Variants in TMEM131 observed in about 807,000 individuals in gnomAD.
The protein encoded by TMEM131 is transmembrane protein 131.
A neutral mutation model predicts 211.6 loss-of-function variants in TMEM131; 66 were observed. That is an observed-to-expected ratio of 0.31 (90% CI 0.26 to 0.38). The LOEUF (loss-of-function observed/expected upper bound fraction) is 0.38, where lower values mean the gene tolerates loss of function less well. TMEM131 is among the 10% of genes least tolerant of loss of function. The pLI is 1.00. For synonymous variants in TMEM131, 844 were observed against 841.3 expected, an observed-to-expected ratio of 1.00 and a Z score of -0.06; for missense variants, 2,036 against 2,299.3, an observed-to-expected ratio of 0.89 and a Z score of 2.34.
intron 5 of TMEM131, among the ~76,000 whole-genome samples, chr2:97,844,907 A>T (rs1367106250): frequency 3.9e-5 from 6 of 152,120 alleles, no homozygotes; most frequent in Non-Finnish European, 8.8e-5. Context: ...TTTAATATGT[A>T]AAGCCATCAA....
rs991255021 is a variant in TMEM131, at chr2:97,983,651, C to A, written c.187+11825G>T. On this transcript the variant is annotated intron_variant, in intron 1 of 40. Transcript: ENST00000186436. ...CTCCTTGCTCTTTACCCAATAAATA[C>A]GAAAGGACTGTAGAAGCTCAAGGGG... 2.0e-5 allele frequency among the ~76,000 whole-genome samples: 3 copies of A among 152,292 alleles called. No homozygotes were observed. In the East Asian group the frequency reaches 5.8e-4, roughly 29 times the overall value.
At chr2:97,938,992 C>T (rs925163102) in intron 1 of TMEM131, among the ~76,000 whole-genome samples, 25 of 152,120 alleles carry the variant, frequency 1.6e-4, no homozygotes, top group African/African-American at 2.4e-5. Context: ...AGAACAAAGA[C>T]ACAACATACC....
At chr2:97,856,442 G>A (rs544311489) in intron 5 of TMEM131, among the ~76,000 whole-genome samples, 2 of 152,098 alleles carry the variant, frequency 1.3e-5, no homozygotes, top group Non-Finnish European at 2.9e-5. Flanking sequence ...TTACTTGCAT[G>A]TGCGTGTTAA....
intron 1 of TMEM131, among the ~76,000 whole-genome samples, chr2:97,944,418 C>T (rs1470385833): frequency 1.3e-5 from 2 of 152,096 alleles, no homozygotes; most frequent in Admixed American, 1.3e-4. Context: ...TCTGATGAGG[C>T]AATGGTTTCT....
At chr2:97,776,884 A>G (rs867777928) in intron 31 of TMEM131, among the ~76,000 whole-genome samples, 1 of 152,346 alleles carries the variant, frequency 6.6e-6, no homozygotes, top group Middle Eastern at 3.4e-3. Flanking sequence ...AAGACCACAC[A>G]GGGCTGTACT....
rs148843276 is a variant in TMEM131 at position 97,966,824 on chromosome 2, C to G, written c.187+28652G>C. 4.3e-4 allele frequency among the ~76,000 whole-genome samples: 66 copies of G among 152,314 alleles called. 1 individual carries two copies. The East Asian group carries it at 8.5e-3, about 20-fold the overall frequency. On this transcript the variant is annotated intron_variant, in intron 1 of 40. Transcript: ENST00000186436. ...AAGCTGACACATGAGGACTAGTTAA[C>G]TTGCTCAAGGTCACAGTCAAGCCCA...
chr2:97,938,145 A>G (rs543190497), intron 1 of TMEM131, among the ~76,000 whole-genome samples: 18 of 152,352 alleles, frequency 1.2e-4, no homozygotes, highest in Admixed American at 1.2e-3. Context: ...ACCAGCTAAC[A>G]TCATAATGAC....
At chr2:97,791,784 A>G (rs1680508578) in intron 31 of TMEM131, among the ~76,000 whole-genome samples, 1 of 152,190 alleles carries the variant, frequency 6.6e-6, no homozygotes, top group South Asian at 2.1e-4. Flanking sequence ...TAATACAGTA[A>G]GCAGAACTCT....
At chr2:97,811,039 TA>T in intron 18 of TMEM131, 88 bp downstream of exon 18, 1 of 942,938 alleles carries the variant, frequency 1.1e-6, no homozygotes, top group Non-Finnish European at 1.7e-6. Context: ...TAACTCTGAG[TA>T]AACTTAATTC....
At chr2:97,970,384 CAG>C (rs370865062) in intron 1 of TMEM131, among the ~76,000 whole-genome samples, 8 of 152,194 alleles carry the variant, frequency 5.3e-5, no homozygotes, top group Non-Finnish European at 1.2e-4. Flanking sequence ...AGAAACAGTA[CAG>C]AGAGAGGAGA....
intron 8 of TMEM131, among the ~76,000 whole-genome samples, chr2:97,836,068 T>C (rs1573437219): frequency 6.6e-6 from 1 of 152,252 alleles, no homozygotes; most frequent in South Asian, 2.1e-4. Context: ...GATTGTTTTA[T>C]AGATGATTTT....
At chr2:97,915,050 A>G (rs1314676349) in intron 2 of TMEM131, among the ~76,000 whole-genome samples, 4 of 152,082 alleles carry the variant, frequency 2.6e-5, no homozygotes, top group Non-Finnish European at 5.9e-5. Flanking sequence ...TGGTGTTGTC[A>G]CTGTTTTGTG....
chr2:97,796,024 C>A (rs760687161), intron 28 of TMEM131, among the ~76,000 whole-genome samples, 194 bp downstream of exon 28: 2 of 151,554 alleles, frequency 1.3e-5, no homozygotes, highest in African/African-American at 2.4e-5. Context: ...AATGCCTTAA[C>A]CAAAGATTAA....
rs192773257 is a variant in TMEM131 at position 97,873,260 on chromosome 2, T to C, written c.360-13833A>G. On this transcript the variant is annotated intron_variant, in intron 4 of 40. Coordinates refer to ENST00000186436, the MANE Select transcript of TMEM131 (RefSeq NM_015348.2). Reference sequence around the variant, plus strand: ...GGCAGCAGCCCCAGTCAGGGACTTATAGATAAATCCCCAGCTCCCTGGGAC... The same window carrying C: ...GGCAGCAGCCCCAGTCAGGGACTTACAGATAAATCCCCAGCTCCCTGGGAC... Among the ~76,000 whole-genome samples, 129 of 152,312 alleles carry C rather than the reference T, an allele frequency of 8.5e-4. 1 individual carries two copies. The highest frequency in any genetic ancestry group is 2.9e-3 in the African/African-American group (122 of 41,588).
chr2:97,829,707 G>GT (rs1233327364), intron 11 of TMEM131, among the ~76,000 whole-genome samples: 1 of 152,140 alleles, frequency 6.6e-6, no homozygotes, highest in Non-Finnish European at 1.5e-5. Context: ...TTTAAGAGCT[G>GT]TAACACTCAC....
At chr2:97,827,622 A>G in intron 11 of TMEM131, 1 of 943,214 alleles carries the variant, frequency 1.1e-6, no homozygotes, top group South Asian at 1.4e-5. Context: ...ATTTTTATCA[A>G]CTATTTTGTA....
intron 1 of TMEM131, among the ~76,000 whole-genome samples, chr2:97,976,934 C>A: frequency 8.0e-6 from 1 of 124,916 alleles, no homozygotes; most frequent in Non-Finnish European, 1.6e-5. Flanking sequence ...TTTTAATAGA[C>A]ACTAGAAGAA....
chr2:97,796,806 C>T, intron 27 of TMEM131, 38 bp downstream of exon 27: 1 of 1,592,708 alleles, frequency 6.3e-7, no homozygotes, highest in Non-Finnish European at 8.6e-7. Context: ...AAAGCAAATG[C>T]TGAAATTAGT....
chr2:97,987,060 T>A (rs1266742631), intron 1 of TMEM131, among the ~76,000 whole-genome samples: 1 of 152,236 alleles, frequency 6.6e-6, no homozygotes. Flanking sequence ...CCTGAATCCA[T>A]AAAGTTGGCT....
Sources: gnomAD v4.1 joint callset for allele counts (sites outside exome capture counted in the v4.1 genomes callset) on GRCh38, gnomAD v4.1.1 for gene constraint, MANE v1.5 for transcripts, NCBI Gene and HGNC (gene_info 2026-07-23, HGNC 2026-07-21) for gene names.